Variants in FARSA observed in about 807,000 individuals in gnomAD.
The protein encoded by FARSA is phenylalanyl-tRNA synthetase subunit alpha, also known as phenylalanine--tRNA ligase alpha subunit.
FARSA carries 37 observed loss-of-function variants against 63.2 expected under a neutral mutation model. That is an observed-to-expected ratio of 0.59 (90% CI 0.45 to 0.77). The LOEUF (loss-of-function observed/expected upper bound fraction) is 0.77, where lower values mean the gene tolerates loss of function less well. FARSA is among the 30% of genes least tolerant of loss of function. The pLI is 0.00. For synonymous variants in FARSA, 312 were observed against 285.1 expected (o/e 1.09, Z -0.95); for missense variants, 618 against 696.6 (o/e 0.89, Z 1.27).
chr19:12,932,969 G>C (rs960441113), intron 1 of FARSA: 1 of 152,734 alleles, frequency 6.5e-6, no homozygotes, highest in East Asian at 1.9e-4. Context: ...TCTTCCCAAA[G>C]GTGATGTGGA....
In FARSA at chr19:12,925,115, A is replaced by T. The variant is rs892719778; in HGVS notation, c.901T>A (p.Ser301Thr). ...DYVQRVKRTHSQGGYGSQGYK... is the reference protein window; with the variant it reads ...DYVQRVKRTHTQGGYGSQGYK... Reference sequence around the variant, plus strand: ...CCCTGTGAGCCGTAGCCGCCCTGAGAGTGGGTCCGCTTGACCCGCTGGACA... The same window carrying T: ...CCCTGTGAGCCGTAGCCGCCCTGAGTGTGGGTCCGCTTGACCCGCTGGACA... The change falls in exon 8 of 13, where the codon TCT (serine) becomes ACT (threonine). Residue 301 changes from serine (S) to threonine (T), a missense_variant. By Grantham distance (58) the Ser-to-Thr change is moderately conservative. Transcript: ENST00000314606. 43 of 1,610,624 alleles carry T rather than the reference A, an allele frequency of 2.7e-5. No individual in the cohort carries two copies. Among genetic ancestry groups the T allele is most frequent in the Non-Finnish European group, 3.3e-5 (39 of 1,179,098 alleles).
Position 12,924,335 on chromosome 19 carries a change from G to A in FARSA, c.1274-70C>T. The A allele has an allele frequency of 1.3e-6, 2 of 1,539,636 alleles. No homozygotes were observed. The highest frequency in any genetic ancestry group is 9.0e-7 in the Non-Finnish European group (1 of 1,114,974). The stretch of plus-strand genomic sequence containing the variant: ...CTGGGCACTGCTGGTACAGGTTCTG[G>A]GTCTAGGTGGTGAGCTTGGGAGGTG... On this transcript the variant is annotated intron_variant, in intron 11 of 12. Coordinates refer to ENST00000314606, the MANE Select transcript of FARSA (RefSeq NM_004461.3). This position sits in a 1 kb window ranked among gnomAD's most constrained non-coding sequence, Gnocchi z 6.4.
Position 12,930,429 on chromosome 19 carries a change from C to T in FARSA, c.384G>A (p.Val128=). The change falls in exon 3 of 13, where the codon GTG becomes GTA. Residue 128 remains valine, a splice_region_variant and synonymous_variant. Coordinates refer to ENST00000314606, the MANE Select transcript of FARSA (RefSeq NM_004461.3). ...SAADGPRVFR[V]VDSMEDEVQR... ...CCCTGACCAGCCCGCAGGAACGCAC[C>T]ACTCGGAACACCCGGGGCCCGTCAG... 1 of 1,613,874 alleles carries T rather than the reference C, an allele frequency of 6.2e-7. No homozygotes were observed. The highest frequency in any genetic ancestry group is 8.5e-7 in the Non-Finnish European group (1 of 1,179,864).
Position 12,924,544 on chromosome 19 carries a change from C to G in FARSA, c.1196-18G>C, listed in dbSNP as rs753402045. On this transcript the variant is annotated intron_variant, in intron 10 of 12. Coordinates refer to ENST00000314606, the MANE Select transcript of FARSA (RefSeq NM_004461.3). This position sits in a 1 kb window ranked among gnomAD's most constrained non-coding sequence, Gnocchi z 6.4. ...CGTGATACCTGCAGGAAGTGGGGGG[C>G]GGGCAGGAGAGCAGGGGTTTGGAGG... The G allele has an allele frequency of 6.2e-7, 1 of 1,613,242 alleles. No homozygotes were observed. Among genetic ancestry groups the G allele is most frequent in the Non-Finnish European group, 8.5e-7 (1 of 1,179,888 alleles).
At position 12,924,186 on chromosome 19, in the gene FARSA, G is replaced by A. The variant is rs578106414; in HGVS notation, c.1353C>T (p.Asn451=). 2.5e-5 allele frequency: 40 copies of A among 1,614,132 alleles called. 1 individual carries two copies. The highest frequency in any genetic ancestry group is 2.0e-4 in the South Asian group (18 of 91,082). Residue 451 remains asparagine (N), a synonymous_variant, in exon 12 of 13, where the codon AAC becomes AAT. Transcript: ENST00000314606. The surrounding 1 kb of genome is among the most constrained non-coding windows in gnomAD (Gnocchi z 6.4). ...EMLLPMGLPE[N]VSVIAWGLSL... ...AGAGGCCCCAGGCAATGACCGACACGTTCTCGGGAAGCCCCATGGGCAGCA... is the reference window on the plus strand; with the variant it reads ...AGAGGCCCCAGGCAATGACCGACACATTCTCGGGAAGCCCCATGGGCAGCA...
chr19:12,932,216 A>G (rs1224074084), intron 1 of FARSA, among the ~76,000 whole-genome samples: 1 of 151,878 alleles, frequency 6.6e-6, no homozygotes, highest in Non-Finnish European at 1.5e-5. Flanking sequence ...TATTTTTAGT[A>G]GAGACAGGGT....
At position 12,922,860 on chromosome 19, in the gene FARSA, T is replaced by C; in HGVS notation, c.1415A>G (p.Asn472Ser). The C allele has an allele frequency of 4.3e-6, 7 of 1,614,168 alleles. No individual in the cohort carries two copies. Among genetic ancestry groups the C allele is most frequent in the Non-Finnish European group, 5.9e-6 (7 of 1,180,034 alleles). Residue 472 changes from asparagine to serine, a missense_variant, in exon 13 of 13, where the codon AAC becomes AGC. Transcript: ENST00000314606. ...GTGGCCCACCAGCTCCCGGATATTG[T>C]TGATGCCATATTTGATCATCGTTGG... ...ERPTMIKYGI[N>S]NIRELVGHKV... is the part of the protein sequence containing the mutation.
intron 7 of FARSA, among the ~76,000 whole-genome samples, chr19:12,927,147 G>T (rs1971335998): frequency 6.6e-6 from 1 of 152,224 alleles, no homozygotes; most frequent in African/African-American, 2.4e-5. Context: ...AGAACTCGGG[G>T]TGAGCCCGGG....
Position 12,930,457 on chromosome 19 carries a change from G to T in FARSA, c.356C>A (p.Ala119Glu). Residue 119 changes from alanine (A) to glutamate (E), a missense_variant, in exon 3 of 13, where the codon GCG becomes GAG. Transcript: ENST00000314606. ...TCGGAACACCCGGGGCCCGTCAGCCGCACTCTTGTCCACCCGAATCCACTT... is the reference window on the plus strand; with the variant it reads ...TCGGAACACCCGGGGCCCGTCAGCCTCACTCTTGTCCACCCGAATCCACTT... ...SNKWIRVDKS[A>E]ADGPRVFRVV... The T allele has an allele frequency of 1.2e-6, 2 of 1,614,124 alleles. No individual in the cohort carries two copies. Among genetic ancestry groups the T allele is most frequent in the Non-Finnish European group, 1.7e-6 (2 of 1,180,002 alleles).
chr19:12,924,070 G>A lies in FARSA; in HGVS notation c.1388+81C>T, dbSNP rs779729626. On this transcript the variant is annotated intron_variant, in intron 12 of 12. Transcript: ENST00000314606. The surrounding 1 kb of genome is among the most constrained non-coding windows in gnomAD (Gnocchi z 6.4). ...TGTCCATTGGATGAATGAATGGGTG[G>A]TGCTGAAACCACGCAGGCCCCTATA... 1.7e-5 allele frequency: 18 copies of A among 1,037,026 alleles called. No homozygotes were observed. The South Asian group carries it at 2.1e-4, about 12-fold the overall frequency. The allele number at this position is 1,037,026 out of a possible 1,614,324, so 64.2% of individuals were successfully genotyped here. A position where few individuals can be genotyped will look rare whatever the true frequency, so the allele number is the denominator to read the frequency against.
chr19:12,933,454 T>C (rs1971417137), intron 1 of FARSA, 96 bp downstream of exon 1: 2 of 1,435,888 alleles, frequency 1.4e-6, no homozygotes, highest in Non-Finnish European at 1.9e-6. Context: ...TACCCCAAAC[T>C]AGGCCTGAGG....
intron 12 of FARSA, among the ~76,000 whole-genome samples, chr19:12,923,939 T>C (rs538541492): frequency 1.3e-5 from 2 of 152,368 alleles, no homozygotes; most frequent in South Asian, 4.1e-4. Flanking sequence ...TTGCTAGTTA[T>C]CATCCTTCTC....
rs1362149931 is a variant in FARSA at position 12,928,849 on chromosome 19, T to C, written c.504-2A>G. ...CTCACCCAGTAGGTCTTCAGAGTCCTGTGGCCAGGGGAAGGAAGGGGACGC... is the reference window on the plus strand; with the variant it reads ...CTCACCCAGTAGGTCTTCAGAGTCCCGTGGCCAGGGGAAGGAAGGGGACGC... On this transcript the variant is annotated splice_acceptor_variant, in intron 4 of 12. Coordinates refer to ENST00000314606, the MANE Select transcript of FARSA (RefSeq NM_004461.3). LOFTEE classifies it high-confidence loss of function. 1 of 1,613,932 alleles carries C rather than the reference T, an allele frequency of 6.2e-7. No homozygotes were observed. Among genetic ancestry groups the C allele is most frequent in the Non-Finnish European group, 8.5e-7 (1 of 1,179,950 alleles).
In FARSA at chr19:12,930,604, G is replaced by C; in HGVS notation, c.285+8C>G. ...TCACTCACTCCCCATTCACCCCGCA[G>C]CTCCTACCATAAGCTCGCTCTGGGC... On this transcript the variant is annotated splice_region_variant and intron_variant, in intron 2 of 12. Transcript: ENST00000314606. 1 of 1,608,992 alleles carries C rather than the reference G, an allele frequency of 6.2e-7. No homozygotes were observed. Among genetic ancestry groups the C allele is most frequent in the Non-Finnish European group, 8.5e-7 (1 of 1,176,586 alleles).
chr19:12,926,335 G>A (rs1971326668), intron 7 of FARSA, among the ~76,000 whole-genome samples: 1 of 150,012 alleles, frequency 6.7e-6, no homozygotes, highest in Non-Finnish European at 1.5e-5. Flanking sequence ...GCAGTGGCAT[G>A]ATCTCGGCTA....
intron 12 of FARSA, among the ~76,000 whole-genome samples, chr19:12,923,690 G>A (rs1417962758): frequency 6.6e-6 from 1 of 152,198 alleles, no homozygotes; most frequent in Admixed American, 6.5e-5. Flanking sequence ...ATGTTGGCCA[G>A]GCTGGCCTCG....
At chr19:12,926,524 C>T (rs995912396) in intron 7 of FARSA, among the ~76,000 whole-genome samples, 2 of 142,212 alleles carry the variant, frequency 1.4e-5, no homozygotes, top group Non-Finnish European at 3.1e-5. Context: ...CCGCCCGTCT[C>T]AGCCTCCCAA....
intron 12 of FARSA, among the ~76,000 whole-genome samples, chr19:12,923,637 G>A (rs1054928835): frequency 6.6e-6 from 1 of 152,156 alleles, no homozygotes; most frequent in African/African-American, 2.4e-5. Flanking sequence ...CTGCTACCAC[G>A]CCAGGCTAAT....
At chr19:12,933,493 G>A (rs1971417491) in intron 1 of FARSA, 57 bp downstream of exon 1, 1 of 1,520,644 alleles carries the variant, frequency 6.6e-7, no homozygotes, top group Non-Finnish European at 8.8e-7. Flanking sequence ...GAGCGCCCGT[G>A]GCAAGGGGAC....
Sources: allele counts gnomAD v4.1 joint callset (sites outside exome capture counted in the v4.1 genomes callset), GRCh38; gene constraint gnomAD v4.1.1; non-coding constraint Gnocchi (gnomAD v3.1); transcripts MANE v1.5; gene names NCBI Gene and HGNC (gene_info 2026-07-23, HGNC 2026-07-21).